Variants in MRGPRX1 observed in about 807,000 individuals in gnomAD.
MRGPRX1 encodes mas-related G protein-coupled receptor member X1.
For missense variants in MRGPRX1, 411 were observed against 393.8 expected (o/e 1.04, Z -0.37); for synonymous variants, 208 against 170.4 (o/e 1.22, Z -1.72).
rs746020794 is a variant in MRGPRX1, at chr11:18,933,796, G to T, written c.*20C>A. 9 of 1,585,164 alleles carry T rather than the reference G, an allele frequency of 5.7e-6. No homozygotes were observed. The highest frequency in any genetic ancestry group is 7.7e-6 in the Non-Finnish European group (9 of 1,165,820). On this transcript the variant is annotated 3_prime_UTR_variant, in exon 2 of 2. Transcript: ENST00000526914. ...CAGTGTTGCTCTCAAAGTCCTGTCT[G>T]ACAGGGCAGAGGCTCTTCCTCACTG...
At position 18,934,698 on chromosome 11, in the gene MRGPRX1, G is replaced by T. The variant is rs559950745; in HGVS notation, c.87C>A (p.Ser29Arg). 6.8e-5 allele frequency: 110 copies of T among 1,610,172 alleles called. 2 individuals are homozygous for T. In the South Asian group the frequency reaches 1.2e-3, roughly 18 times the overall value. The change falls in exon 2 of 2, where the codon AGC (serine) becomes AGA (arginine). Residue 29 changes from serine (S) to arginine (R), a missense_variant. Transcript: ENST00000526914. ...AAACGATGCACGTCAGCACCGTGAG[G>T]CTCAAGGTCTGCTTGTAGCAAAGAG... ...EETLCYKQTL[S>R]LTVLTCIVSL...
intron 1 of MRGPRX1, among the ~76,000 whole-genome samples, chr11:18,938,636 T>C (rs1590007099): frequency 6.6e-6 from 1 of 151,494 alleles, no homozygotes; most frequent in Admixed American, 6.6e-5. Context: ...GTGTTGGCCG[T>C]GCAAGGCTTC....
chr11:18,934,852 T>A, intron 1 of MRGPRX1, 43 bp from the exon 2 acceptor site: 3 of 1,495,484 alleles, frequency 2.0e-6, no homozygotes, highest in Non-Finnish European at 2.7e-6. Flanking sequence ...GTATGATCTC[T>A]GATTCTCCCC....
rs557723842 is a variant in MRGPRX1, at chr11:18,934,804, G to A, written c.-20C>T. On this transcript the variant is annotated 5_prime_UTR_variant, in exon 2 of 2. Coordinates refer to ENST00000526914, the MANE Select transcript of MRGPRX1 (RefSeq NM_001393578.1). ...ATCCATGCTCAGAAACCCTAGTCTG[G>A]TGACCCTGGAAACAGAAACCAGTTG... is the stretch of plus-strand genomic sequence containing the variant. 6 of 1,540,220 alleles carry A rather than the reference G, an allele frequency of 3.9e-6. No homozygotes were observed. Among genetic ancestry groups the A allele is most frequent in the Non-Finnish European group, 5.2e-6 (6 of 1,143,276 alleles).
Position 18,936,281 on chromosome 11 carries a change from C to T in MRGPRX1, c.-25-1472G>A, listed in dbSNP as rs144320710. On this transcript the variant is annotated intron_variant, in intron 1 of 1. Coordinates refer to ENST00000526914, the MANE Select transcript of MRGPRX1 (RefSeq NM_001393578.1). ...ATTCTCAAGATTAAATCCAAGTTGG[C>T]GGCAAAATTGTGGGTTGAAAAAAAA... Among the ~76,000 whole-genome samples, 1,054 of 148,508 alleles carry T rather than the reference C, an allele frequency of 7.1e-3. 5 individuals carry two copies. Among genetic ancestry groups the T allele is most frequent in the Non-Finnish European group, 0.012 (824 of 67,114 alleles).
At chr11:18,934,867 C>A in intron 1 of MRGPRX1, 58 bp from the exon 2 acceptor site, 1 of 1,461,400 alleles carries the variant, frequency 6.8e-7, no homozygotes, top group East Asian at 2.3e-5. Flanking sequence ...CTCCCCACCA[C>A]CCTGCCATGT....
Position 18,934,830 on chromosome 11 carries a change from T to A in MRGPRX1, c.-25-21A>T. The stretch of plus-strand genomic sequence containing the variant: ...TGACCCTGGAAACAGAAACCAGTTG[T>A]GATCACCAGCTGTATGATCTCTGAT... On this transcript the variant is annotated intron_variant, in intron 1 of 1. Transcript: ENST00000526914. The A allele has an allele frequency of 1.3e-6, 2 of 1,523,570 alleles. 1 individual carries two copies. Among genetic ancestry groups the A allele is most frequent in the African/African-American group, 2.8e-5 (2 of 72,170 alleles). The allele number at this position is 1,523,570 out of a possible 1,614,324, so 94.4% of individuals were successfully genotyped here.
At chr11:18,938,114 T>A (rs1848855163) in intron 1 of MRGPRX1, among the ~76,000 whole-genome samples, 1 of 151,690 alleles carries the variant, frequency 6.6e-6, no homozygotes, top group Admixed American at 6.6e-5. Flanking sequence ...TCTGGTGGAA[T>A]TGAGACACTG....
In MRGPRX1 at chr11:18,934,430, C is replaced by T. The variant is rs769342738; in HGVS notation, c.355G>A (p.Glu119Lys). The change falls in exon 2 of 2, where the codon GAG (glutamate) becomes AAG (lysine). Residue 119 changes from glutamate (E) to lysine (K), a missense_variant. Glu to Lys is a moderately conservative substitution (Grantham distance 56). Transcript: ENST00000526914. ...GGCCACAGGACGGACAGGCAGCGCT[C>T]GGTGCTCACGGCACTCAGAAAGCTC... ...GLSFLSAVST[E>K]RCLSVLWPIW... 6.2e-6 allele frequency: 10 copies of T among 1,610,490 alleles called. No individual in the cohort carries two copies. The highest frequency in any genetic ancestry group is 4.4e-5 in the South Asian group (4 of 90,714).
rs143866710 is a variant in MRGPRX1 at position 18,935,075 on chromosome 11, C to A, written c.-25-266G>T. 1.7e-5 allele frequency: 6 copies of A among 347,284 alleles called. No homozygotes were observed. The South Asian group carries it at 4.1e-4, about 24-fold the overall frequency. 21.5% of individuals were successfully genotyped at this position (347,284 alleles called of 1,614,324 possible). Reference sequence around the variant, plus strand: ...GATCAAAACACCCCCACTCATCTAGCCAGGGCTGTGGACCCGATGATTACT... The same window carrying A: ...GATCAAAACACCCCCACTCATCTAGACAGGGCTGTGGACCCGATGATTACT... On this transcript the variant is annotated intron_variant, in intron 1 of 1. Transcript: ENST00000526914.
At chr11:18,936,171 C>T (rs900352827) in intron 1 of MRGPRX1, among the ~76,000 whole-genome samples, 2 of 151,246 alleles carry the variant, frequency 1.3e-5, no homozygotes, top group African/African-American at 2.4e-5. Context: ...AGGGCTGACT[C>T]ATGATCCAGT....
At chr11:18,938,616 G>A (rs1156602594) in intron 1 of MRGPRX1, among the ~76,000 whole-genome samples, 2 of 151,524 alleles carry the variant, frequency 1.3e-5, no homozygotes, top group Non-Finnish European at 2.9e-5. Context: ...ATATCAGCCT[G>A]TGTGGCTGTG....
At chr11:18,937,554 A>G (rs1476686998) in intron 1 of MRGPRX1, among the ~76,000 whole-genome samples, 2 of 151,562 alleles carry the variant, frequency 1.3e-5, no homozygotes, top group African/African-American at 2.4e-5. Context: ...TGCAAATGCC[A>G]TGTAAGTTCT....
At chr11:18,938,065 C>G (rs1049863348) in intron 1 of MRGPRX1, among the ~76,000 whole-genome samples, 45 of 151,580 alleles carry the variant, frequency 3.0e-4, no homozygotes, top group Middle Eastern at 6.8e-3. Context: ...AGAGTGGCTT[C>G]TATGCACCAC....
At chr11:18,936,384 C>A (rs193105584) in intron 1 of MRGPRX1, among the ~76,000 whole-genome samples, 2 of 151,230 alleles carry the variant, frequency 1.3e-5, no homozygotes, top group African/African-American at 2.4e-5. Context: ...AGAGTGAAAG[C>A]CATTTAGTAA....
In MRGPRX1 at chr11:18,935,168, C is replaced by T. The variant is rs528472151; in HGVS notation, c.-25-359G>A. On this transcript the variant is annotated intron_variant, in intron 1 of 1. Transcript: ENST00000526914. ...GTATGCAAAGAGGTGGTTGTGACAC[C>T]CTCATGACCAGGACTGATCATCCAT... 20 of 195,990 alleles carry T rather than the reference C, an allele frequency of 1.0e-4. No homozygotes were observed. In the East Asian group the frequency reaches 2.7e-3, roughly 27 times the overall value. 12.1% of individuals were successfully genotyped at this position (195,990 alleles called of 1,614,324 possible).
intron 1 of MRGPRX1, among the ~76,000 whole-genome samples, chr11:18,937,748 A>G (rs1295457618): frequency 6.6e-6 from 1 of 151,486 alleles, no homozygotes; most frequent in African/African-American, 2.4e-5. Context: ...AGATATTTCT[A>G]CTTTGTGTCT....
chr11:18,934,192 A>T lies in MRGPRX1; in HGVS notation c.593T>A (p.Leu198Gln). Residue 198 changes from leucine to glutamine, a missense_variant, in exon 2 of 2, where the codon CTG (leucine) becomes CAG (glutamine). Transcript: ENST00000526914. ...GGATCCACAGAGAATCCTGATCAGC[A>T]GGACCAGGCTGGACCCACAGAGAAC... ...CVVLCGSSLV[L>Q]LIRILCGSRK... 1.2e-6 allele frequency: 2 copies of T among 1,610,640 alleles called. No homozygotes were observed. Among genetic ancestry groups the T allele is most frequent in the South Asian group, 2.2e-5 (2 of 90,788 alleles).
In MRGPRX1 at chr11:18,934,206, C is replaced by A. The variant is rs147288525; in HGVS notation, c.579G>T (p.Gly193=). 1.8e-3 allele frequency: 2,884 copies of A among 1,607,712 alleles called. 129 individuals carry two copies. The highest frequency in any genetic ancestry group is 4.1e-3 in the Admixed American group (242 of 59,292). The part of the protein sequence containing the change: ...WLIFLCVVLC[G]SSLVLLIRIL... Reference sequence around the variant, plus strand: ...TCCTGATCAGCAGGACCAGGCTGGACCCACAGAGAACCACACATAAAAAAA... The same window carrying A: ...TCCTGATCAGCAGGACCAGGCTGGAACCACAGAGAACCACACATAAAAAAA... Residue 193 remains glycine, a synonymous_variant, in exon 2 of 2, where the codon GGG becomes GGT. Coordinates refer to ENST00000526914, the MANE Select transcript of MRGPRX1 (RefSeq NM_001393578.1).
Sources: gnomAD v4.1 joint callset for allele counts (sites outside exome capture counted in the v4.1 genomes callset) on GRCh38, gnomAD v4.1.1 for gene constraint, MANE v1.5 for transcripts, NCBI Gene and HGNC (gene_info 2026-07-23, HGNC 2026-07-21) for gene names.